Variants in SLC27A1 observed in about 807,000 individuals in gnomAD.
The protein encoded by SLC27A1 is solute carrier family 27 member 1, also known as long-chain fatty acid transport protein 1.
SLC27A1 carries 61 observed loss-of-function variants against 62.2 expected under a neutral mutation model. That is an observed-to-expected ratio of 0.98 (90% CI 0.80 to 1.21). The LOEUF is 1.21. Ranked by LOEUF, SLC27A1 falls within the 50% of genes most tolerant of loss-of-function variation. SLC27A1 has a pLI of 0.00. For missense variants in SLC27A1, 903 were observed against 932.1 expected (o/e 0.97, Z 0.41); for synonymous variants, 435 against 408.6 (o/e 1.06, Z -0.78).
Position 17,500,440 on chromosome 19 carries a change from A to T in SLC27A1, c.1333+36A>T, listed in dbSNP as rs764608694. ...CCCCCGCATGGTCCCCACCCGGAGCAGGGGTCCCCACGCCCTGCCTGCCTA... is the reference window on the plus strand; with the variant it reads ...CCCCCGCATGGTCCCCACCCGGAGCTGGGGTCCCCACGCCCTGCCTGCCTA... On this transcript the variant is annotated intron_variant, in intron 8 of 11. Coordinates refer to ENST00000252595, the MANE Select transcript of SLC27A1 (RefSeq NM_198580.3). 11 of 1,612,490 alleles carry T rather than the reference A, an allele frequency of 6.8e-6. No homozygotes were observed. The African/African-American group carries it at 1.5e-4, about 22-fold the overall frequency.
At chr19:17,481,334 T>TGA (rs2075176229) in intron 1 of SLC27A1, among the ~76,000 whole-genome samples, 1 of 146,092 alleles carries the variant, frequency 6.8e-6, no homozygotes, top group Non-Finnish European at 1.5e-5. Flanking sequence ...TTTTTTTTTT[T>TGA]GAGACAGAGT....
intron 6 of SLC27A1, chr19:17,495,393 T>C (rs2075339073): frequency 6.6e-6 from 1 of 151,420 alleles, no homozygotes; most frequent in Non-Finnish European, 1.5e-5. Context: ...GCCATTCTCC[T>C]GCCTCAGCCT....
intron 1 of SLC27A1, among the ~76,000 whole-genome samples, chr19:17,473,478 A>T (rs1444786000): frequency 2.0e-5 from 3 of 152,188 alleles, no homozygotes. Flanking sequence ...TGCTTGTCTG[A>T]CACCTAAGCT....
chr19:17,494,429 G>A (rs2075327538), intron 6 of SLC27A1, among the ~76,000 whole-genome samples: 1 of 151,654 alleles, frequency 6.6e-6, no homozygotes, highest in Admixed American at 6.6e-5. Context: ...CTGGGTTCAG[G>A]TGATTCTCCT....
At chr19:17,502,408 G>T (rs561519964) in intron 11 of SLC27A1, among the ~76,000 whole-genome samples, 8 of 128,502 alleles carry the variant, frequency 6.2e-5, no homozygotes, top group Middle Eastern at 4.7e-3. Flanking sequence ...CTGGAGTGCA[G>T]TGGCGTGATC....
intron 1 of SLC27A1, among the ~76,000 whole-genome samples, chr19:17,480,675 C>T (rs974909616): frequency 1.9e-4 from 29 of 150,638 alleles, no homozygotes; most frequent in African/African-American, 6.4e-4. Context: ...ACCGTGTCCA[C>T]CCAATTTTTT....
intron 1 of SLC27A1, among the ~76,000 whole-genome samples, chr19:17,471,626 C>T (rs944823179): frequency 1.3e-5 from 2 of 152,108 alleles, no homozygotes; most frequent in African/African-American, 4.8e-5. Context: ...GGGCAGGGCT[C>T]AACACCTTCA....
At chr19:17,470,775 G>A in intron 1 of SLC27A1, 68 bp downstream of exon 1, 1 of 1,418,986 alleles carries the variant, frequency 7.0e-7, no homozygotes. Flanking sequence ...CACGGTGCAG[G>A]GCTGGGTTGC....
chr19:17,469,457 G>A (rs1032979839), upstream of SLC27A1, among the ~76,000 whole-genome samples: 2 of 152,082 alleles, frequency 1.3e-5, no homozygotes, highest in African/African-American at 2.4e-5. Flanking sequence ...ACGCCAACTA[G>A]GGCTCGGGTC....
chr19:17,484,864 A>G (rs1299584082), intron 1 of SLC27A1, among the ~76,000 whole-genome samples: 4 of 152,182 alleles, frequency 2.6e-5, no homozygotes, highest in Non-Finnish European at 5.9e-5. Context: ...GGGGAGATCC[A>G]AAGGATGGAT....
chr19:17,485,506 T>A (rs1434488289), intron 1 of SLC27A1, among the ~76,000 whole-genome samples: 5 of 65,488 alleles, frequency 7.6e-5, no homozygotes, highest in African/African-American at 3.5e-4. Context: ...TTCTTGTTTG[T>A]TTGTTTGTTT....
At chr19:17,487,127 G>T (rs1343938985) in intron 2 of SLC27A1, 47 bp from the exon 3 acceptor site, 1 of 1,611,594 alleles carries the variant, frequency 6.2e-7, no homozygotes, top group East Asian at 2.2e-5. Context: ...GGCCTCGGGA[G>T]GGGGCCTGTC....
At position 17,486,166 on chromosome 19, in the gene SLC27A1, C is replaced by T. The variant is rs886561889; in HGVS notation, c.168-397C>T. On this transcript the variant is annotated intron_variant, in intron 1 of 11. Transcript: ENST00000252595. The surrounding 1 kb of genome is among the most constrained non-coding windows in gnomAD (Gnocchi z 6.6). Reference sequence around the variant, plus strand: ...CTGGGGGCAGAACAGCTGCCCAGCTCGGGGCTGGACCCTGGGGGTCCTGGT... The same window carrying T: ...CTGGGGGCAGAACAGCTGCCCAGCTTGGGGCTGGACCCTGGGGGTCCTGGT... Among the ~76,000 whole-genome samples the T allele has an allele frequency of 5.9e-5, 9 of 152,174 alleles. No individual in the cohort carries two copies. The highest frequency in any genetic ancestry group is 2.2e-4 in the African/African-American group (9 of 41,454).
At chr19:17,489,511 C>T (rs537697538) in intron 6 of SLC27A1, among the ~76,000 whole-genome samples, 2 of 152,168 alleles carry the variant, frequency 1.3e-5, no homozygotes, top group African/African-American at 4.8e-5. Context: ...GGAGGGTGGA[C>T]CCATTTTGCA....
At chr19:17,500,019 A>G (rs1199017809) in intron 7 of SLC27A1, 3 of 532,938 alleles carry the variant, frequency 5.6e-6, no homozygotes, top group Non-Finnish European at 9.9e-6. Context: ...TCCTGCCAGC[A>G]TGGAGGGTTT....
At chr19:17,493,442 A>AAAAAAAC in intron 6 of SLC27A1, among the ~76,000 whole-genome samples, 1 of 151,434 alleles carries the variant, frequency 6.6e-6, no homozygotes, top group Non-Finnish European at 1.5e-5. Flanking sequence ...AAAAAAAAAA[A>AAAAAAAC]AAAAAAACAG....
intron 6 of SLC27A1, among the ~76,000 whole-genome samples, chr19:17,491,917 T>G (rs940887882): frequency 1.3e-5 from 2 of 152,078 alleles, no homozygotes; most frequent in Non-Finnish European, 2.9e-5. Context: ...AAATATTTCA[T>G]CTGTAGGTGC....
At chr19:17,488,815 C>T (rs2075264057) in intron 4 of SLC27A1, 33 bp from the exon 5 acceptor site, 4 of 1,595,608 alleles carry the variant, frequency 2.5e-6, no homozygotes, top group South Asian at 1.1e-5. Context: ...TAGGTCCCAG[C>T]CTCTGCCCTC....
At chr19:17,501,759 C>A (rs34329263) in intron 11 of SLC27A1, among the ~76,000 whole-genome samples, 1 of 132,418 alleles carries the variant, frequency 7.6e-6, no homozygotes, top group African/African-American at 2.9e-5. Context: ...GCCCAGATCA[C>A]GCCACTGCAC....
Sources: gnomAD v4.1 joint callset for allele counts (sites outside exome capture counted in the v4.1 genomes callset) on GRCh38, gnomAD v4.1.1 for gene constraint, Gnocchi (gnomAD v3.1) non-coding constraint, MANE v1.5 for transcripts, NCBI Gene and HGNC (gene_info 2026-07-23, HGNC 2026-07-21) for gene names.